CCDC66: variants seen among roughly 807,000 people sequenced by gnomAD.
CCDC66 encodes the protein coiled-coil domain-containing protein 66.
CCDC66 carries 133 observed loss-of-function variants against 128.3 expected under a neutral mutation model. That is an observed-to-expected ratio of 1.04 (90% CI 0.90 to 1.20). CCDC66 has a LOEUF of 1.20. Among genes scored for constraint, CCDC66 ranks in the 50% most tolerant of loss-of-function variants. The probability of loss-of-function intolerance (pLI) is 0.00; values close to 1 mark genes in which losing one functional copy is unlikely to be tolerated. For missense variants in CCDC66, 1,126 were observed against 1,075.5 expected, an observed-to-expected ratio of 1.05 and a Z score of -0.66; for synonymous variants, 387 against 357.0, an observed-to-expected ratio of 1.08 and a Z score of -0.95.
chr3:56,601,929 A>G (rs1241973020), intron 10 of CCDC66, among the ~76,000 whole-genome samples: 1 of 152,088 alleles, frequency 6.6e-6, no homozygotes, highest in Non-Finnish European at 1.5e-5. Context: ...AGACAACTTA[A>G]CTTCCTCTTT....
intron 7 of CCDC66, among the ~76,000 whole-genome samples, chr3:56,579,261 T>C (rs2067911646): frequency 6.6e-6 from 1 of 151,858 alleles, no homozygotes; most frequent in African/African-American, 2.4e-5. Context: ...ATATCCCCTT[T>C]ATCATTTTTT....
chr3:56,581,465 T>G (rs2068359655), intron 7 of CCDC66, among the ~76,000 whole-genome samples: 1 of 151,922 alleles, frequency 6.6e-6, no homozygotes, highest in Admixed American at 6.6e-5. Context: ...TGAGGAGCTA[T>G]GTTCCTTTGG....
At position 56,619,883 on chromosome 3, in the gene CCDC66, AC is replaced by A. The variant is rs1458781825; in HGVS notation, c.2743del (p.Leu915PhefsTer4). ...ATCGACAGCAAGCAATCCTTAAGGG[AC>A]TTTCAGAACTGAGACAGGTATGAGC... Reference protein sequence around the residue: ...RDRQQAILKGLSELRQGLLQK... With the variant: ...RDRQQAILKGXSELRQGLLQK... On this transcript the variant is annotated frameshift_variant, in exon 17 of 18. Transcript: ENST00000394672. LOFTEE classifies it high-confidence loss of function. The A allele has an allele frequency of 6.2e-7, 1 of 1,613,850 alleles. No individual in the cohort carries two copies. Among genetic ancestry groups the A allele is most frequent in the Non-Finnish European group, 8.5e-7 (1 of 1,179,912 alleles).
chr3:56,559,798 C>G (rs1483779071), intron 3 of CCDC66, among the ~76,000 whole-genome samples: 1 of 152,166 alleles, frequency 6.6e-6, no homozygotes, highest in African/African-American at 2.4e-5. Context: ...ACCTCTTTCT[C>G]TAGATAAGTG....
Position 56,563,690 on chromosome 3 carries a change from A to G in CCDC66, c.109A>G (p.Asn37Asp). Residue 37 changes from asparagine (N) to aspartate (D), a missense_variant, in exon 4 of 18, where the codon AAT (asparagine) becomes GAT (aspartate). By Grantham distance (23) the Asn-to-Asp change is conservative (BLOSUM62 1). Transcript: ENST00000394672. ...GCTTCTGGTGTTTTAACAGATGGGAAATAAGGCCAAGATTGCAAAATGTCC... is the reference window on the plus strand; with the variant it reads ...GCTTCTGGTGTTTTAACAGATGGGAGATAAGGCCAAGATTGCAAAATGTCC... The part of the protein sequence containing the change: ...HKSKISVKMG[N>D]KAKIAKCPLR... 6.5e-7 allele frequency: 1 copy of G among 1,546,530 alleles called. No homozygotes were observed. The highest frequency in any genetic ancestry group is 8.7e-7 in the Non-Finnish European group (1 of 1,145,070).
At chr3:56,591,337 A>G (rs973714697) in intron 7 of CCDC66, among the ~76,000 whole-genome samples, 7 of 152,232 alleles carry the variant, frequency 4.6e-5, no homozygotes, top group African/African-American at 9.6e-5. Context: ...ATAATTTGCA[A>G]TGCCACTACA....
chr3:56,588,551 C>G (rs2070256046), intron 7 of CCDC66, among the ~76,000 whole-genome samples: 1 of 152,138 alleles, frequency 6.6e-6, no homozygotes, highest in Non-Finnish European at 1.5e-5. Context: ...ATAAAAAGAT[C>G]TCATGAGAAC....
In CCDC66 at chr3:56,606,364, C is replaced by T. The variant is rs73081878; in HGVS notation, c.1405-7225C>T. On this transcript the variant is annotated intron_variant, in intron 10 of 17. Transcript: ENST00000394672. ...ACAGTTAGCTCGGTGTCTGCACAAA[C>T]GGCCGCCCAGTTTTGTGCTTGAAAT... Among the ~76,000 whole-genome samples, 1,390 of 152,170 alleles carry T rather than the reference C, an allele frequency of 9.1e-3. 19 individuals are homozygous for T. The highest frequency in any genetic ancestry group is 0.014 in the Non-Finnish European group (981 of 68,024).
At chr3:56,619,725 A>G (rs1415990156) in intron 16 of CCDC66, 52 bp from the exon 17 acceptor site, 1 of 1,602,120 alleles carries the variant, frequency 6.2e-7, no homozygotes, top group African/African-American at 1.3e-5. Context: ...GCACAGGGCT[A>G]TGTCATTTTA....
chr3:56,580,993 C>T (rs971670164), intron 7 of CCDC66, among the ~76,000 whole-genome samples: 1 of 151,818 alleles, frequency 6.6e-6, no homozygotes, highest in Non-Finnish European at 1.5e-5. Flanking sequence ...TGGATGATAT[C>T]CTGCAGAGTG....
At chr3:56,598,581 T>C (rs995274539) in intron 10 of CCDC66, among the ~76,000 whole-genome samples, 6 of 151,960 alleles carry the variant, frequency 3.9e-5, no homozygotes, top group Admixed American at 6.6e-5. Flanking sequence ...TATTTTAAGG[T>C]ATATACCTTC....
chr3:56,596,344 T>A (rs764073450), intron 10 of CCDC66, among the ~76,000 whole-genome samples: 1 of 152,222 alleles, frequency 6.6e-6, no homozygotes, highest in Non-Finnish European at 1.5e-5. Context: ...CATTTATATG[T>A]CTTCTTTAGA....
intron 10 of CCDC66, among the ~76,000 whole-genome samples, chr3:56,601,187 A>T (rs1233287474): frequency 6.6e-6 from 1 of 152,128 alleles, no homozygotes; most frequent in Admixed American, 6.5e-5. Context: ...AGTTTTCTGC[A>T]TATGGCTAGC....
At chr3:56,584,828 G>A (rs373773081) in intron 7 of CCDC66, among the ~76,000 whole-genome samples, 10 of 152,012 alleles carry the variant, frequency 6.6e-5, no homozygotes, top group Non-Finnish European at 1.5e-4. Flanking sequence ...ACGAGACTCC[G>A]TCTGCAATCC....
chr3:56,569,409 G>C, intron 6 of CCDC66: 1 of 259,098 alleles, frequency 3.9e-6, no homozygotes, highest in South Asian at 3.9e-5. Context: ...GGGGGAGCAG[G>C]CATTTTACAT....
At chr3:56,584,151 G>A (rs548470853) in intron 7 of CCDC66, among the ~76,000 whole-genome samples, 2,082 of 139,166 alleles carry the variant, frequency 0.015, 63 homozygotes, top group Non-Finnish European at 0.023. Context: ...CTGGCCGGGC[G>A]GGGGCGGCCC....
At chr3:56,565,535 C>G (rs898252269) in intron 4 of CCDC66, among the ~76,000 whole-genome samples, 2 of 151,336 alleles carry the variant, frequency 1.3e-5, no homozygotes, top group African/African-American at 4.8e-5. Flanking sequence ...TCATGATCCG[C>G]CTGCCTCAGC....
At chr3:56,582,849 T>TTTTTTATTATTATTA (rs762028314) in intron 7 of CCDC66, among the ~76,000 whole-genome samples, 2 of 134,888 alleles carry the variant, frequency 1.5e-5, no homozygotes, top group South Asian at 2.7e-4. Flanking sequence ...CTCAACTTTC[T>TTTTTTATTATTATTA]TTATTATTAT....
At chr3:56,558,085 A>G (rs2064593489) in intron 1 of CCDC66, 16 of 152,310 alleles carry the variant, frequency 1.1e-4, no homozygotes, top group Admixed American at 1.0e-3. Flanking sequence ...TTTAATAGTT[A>G]AGGTGAGGTA....
Sources: gnomAD v4.1 joint callset for allele counts (sites outside exome capture counted in the v4.1 genomes callset) on GRCh38, gnomAD v4.1.1 for gene constraint, MANE v1.5 for transcripts, NCBI Gene and HGNC (gene_info 2026-07-23, HGNC 2026-07-21) for gene names.